PCDH15: variants seen among roughly 807,000 people sequenced by gnomAD.
PCDH15 encodes the protein protocadherin related 15, also known as protocadherin-15.
A neutral mutation model predicts 178.5 loss-of-function variants in PCDH15; 129 were observed. The ratio of observed to expected loss-of-function variants is 0.72; its 90% CI spans 0.63 to 0.84. PCDH15 has a LOEUF of 0.84. Among genes scored for constraint, PCDH15 ranks in the 40% least tolerant of loss-of-function variants. The pLI, the probability that PCDH15 is intolerant of heterozygous loss-of-function variation, is 0.00. For missense variants in PCDH15, 2,230 were observed against 2,099.9 expected (o/e 1.06, Z -1.21); for synonymous variants, 800 against 732.0 (o/e 1.09, Z -1.50).
intron 2 of PCDH15, among the ~76,000 whole-genome samples, chr10:55,393,698 C>T (rs1837855302): frequency 6.6e-6 from 1 of 152,122 alleles, no homozygotes; most frequent in South Asian, 2.1e-4. Flanking sequence ...TATCAGATTC[C>T]TCCTAAATCT....
upstream of PCDH15, among the ~76,000 whole-genome samples, chr10:55,321,021 A>G (rs866909533): frequency 2.6e-5 from 4 of 152,252 alleles, no homozygotes; most frequent in Middle Eastern, 0.01. Flanking sequence ...GTCAAGCCCA[A>G]TTCAAAGATT....
chr10:54,442,457 T>TATAC (rs1565288354), intron 3 of PCDH15, among the ~76,000 whole-genome samples: 1 of 97,022 alleles, frequency 1.0e-5, no homozygotes, highest in Admixed American at 9.7e-5. Flanking sequence ...TATATATATA[T>TATAC]ATACAGTCTT....
intron 3 of PCDH15, among the ~76,000 whole-genome samples, chr10:54,495,264 C>T (rs946964870): frequency 2.6e-5 from 4 of 151,980 alleles, no homozygotes; most frequent in African/African-American, 9.7e-5. Flanking sequence ...ATATATGTGG[C>T]TATATATAAT....
At chr10:54,315,936 TTTTG>T (rs929317654) in intron 8 of PCDH15, among the ~76,000 whole-genome samples, 41 of 47,312 alleles carry the variant, frequency 8.7e-4, no homozygotes, top group South Asian at 7.0e-3. Flanking sequence ...TGTGTGTTTT[TTTTG>T]TTTGTTTGTT....
At chr10:54,345,801 C>CAAAAAAAAAAA (rs540507383) in intron 6 of PCDH15, among the ~76,000 whole-genome samples, 2 of 52,434 alleles carry the variant, frequency 3.8e-5, no homozygotes, top group South Asian at 1.7e-3. Context: ...GACTCCGTCT[C>CAAAAAAAAAAA]AAAAAAAAAA....
At chr10:53,856,024 G>GTT (rs2078718886) in intron 28 of PCDH15, among the ~76,000 whole-genome samples, 1 of 150,076 alleles carries the variant, frequency 6.7e-6, no homozygotes, top group Admixed American at 6.7e-5. Context: ...AGTAACTCAG[G>GTT]AATGAAAAAA....
At chr10:54,768,827 G>A (rs552276503) in intron 1 of PCDH15, among the ~76,000 whole-genome samples, 5 of 152,138 alleles carry the variant, frequency 3.3e-5, no homozygotes, top group Admixed American at 3.3e-4. Context: ...CATGCCACTT[G>A]TAAAGTGATC....
At chr10:55,114,430 T>C (rs1469352025) in intron 2 of PCDH15, among the ~76,000 whole-genome samples, 1 of 152,210 alleles carries the variant, frequency 6.6e-6, no homozygotes, top group Non-Finnish European at 1.5e-5. Flanking sequence ...GAATGATTAA[T>C]ATGGTAAAAG....
chr10:54,694,249 G>A (rs79155847), intron 1 of PCDH15, among the ~76,000 whole-genome samples: 12,222 of 152,070 alleles, frequency 0.08, 550 homozygotes, highest in South Asian at 0.15. Flanking sequence ...TTAGAAGAAT[G>A]TATAGACATG....
chr10:54,903,091 C>T (rs1954664029), intron 2 of PCDH15, among the ~76,000 whole-genome samples: 1 of 152,040 alleles, frequency 6.6e-6, no homozygotes, highest in African/African-American at 2.4e-5. Flanking sequence ...CATTGCCCTT[C>T]CTTTACTCAA....
intron 29 of PCDH15, 48 bp from the exon 30 acceptor site, chr10:53,831,581 A>G (rs767018023): frequency 1.5e-5 from 20 of 1,334,362 alleles, no homozygotes. Context: ...GCAGAGAAAG[A>G]GCATTTTAAA....
intron 2 of PCDH15, among the ~76,000 whole-genome samples, chr10:55,122,995 C>A (rs762160322): frequency 6.6e-6 from 1 of 151,800 alleles, no homozygotes; most frequent in African/African-American, 2.4e-5. Context: ...TAATTTATTC[C>A]ATTGAAAATC....
In PCDH15 at chr10:54,385,757, A is replaced by G. The variant is rs1310694458; in HGVS notation, c.158-6815T>C. Reference sequence around the variant, plus strand: ...AAGTACTTGCCCTTTTTAAAAAATCAAATAAACTAACTAAATTAAATAAGA... The same window carrying G: ...AAGTACTTGCCCTTTTTAAAAAATCGAATAAACTAACTAAATTAAATAAGA... On this transcript the variant is annotated intron_variant, in intron 3 of 37. Coordinates refer to ENST00000644397, the MANE Select transcript of PCDH15 (RefSeq NM_001384140.1). 3.9e-5 allele frequency among the ~76,000 whole-genome samples: 6 copies of G among 152,284 alleles called. No homozygotes were observed. The East Asian group carries it at 9.7e-4, about 25-fold the overall frequency.
intron 18 of PCDH15, among the ~76,000 whole-genome samples, chr10:54,060,286 T>C (rs926772549): frequency 3.9e-5 from 6 of 152,200 alleles, no homozygotes; most frequent in African/African-American, 1.4e-4. Context: ...TAAGATTTTA[T>C]AGTTTCTTAA....
At chr10:54,213,853 T>C in intron 10 of PCDH15, 83 bp downstream of exon 10, 1 of 895,988 alleles carries the variant, frequency 1.1e-6, no homozygotes, top group Non-Finnish European at 1.8e-6. Context: ...TTTTATAACA[T>C]AAAACTGCCT....
intron 14 of PCDH15, among the ~76,000 whole-genome samples, chr10:54,136,415 C>T (rs1471505844): frequency 1.3e-5 from 2 of 150,660 alleles, no homozygotes; most frequent in East Asian, 3.9e-4. Flanking sequence ...TTTTTTTGAC[C>T]TGGAACATAT....
At chr10:55,004,139 G>A (rs1334916849) in intron 2 of PCDH15, among the ~76,000 whole-genome samples, 2 of 152,174 alleles carry the variant, frequency 1.3e-5, no homozygotes, top group Non-Finnish European at 2.9e-5. Flanking sequence ...TTTGTCTTTG[G>A]TGGAAGTGGG....
intron 2 of PCDH15, among the ~76,000 whole-genome samples, chr10:55,139,062 C>T (rs1312582033): frequency 6.6e-6 from 1 of 151,918 alleles, no homozygotes; most frequent in African/African-American, 2.4e-5. Flanking sequence ...TTGGCACTTC[C>T]TCAATGGCTA....
intron 8 of PCDH15, among the ~76,000 whole-genome samples, chr10:54,287,208 A>G (rs555858678): frequency 6.6e-6 from 1 of 152,190 alleles, no homozygotes; most frequent in Non-Finnish European, 1.5e-5. Context: ...CTATATACCC[A>G]TCAGTGTATT....
Sources: gnomAD v4.1 joint callset for allele counts (sites outside exome capture counted in the v4.1 genomes callset) on GRCh38, gnomAD v4.1.1 for gene constraint, MANE v1.5 for transcripts, NCBI Gene and HGNC (gene_info 2026-07-23, HGNC 2026-07-21) for gene names.